Variants in DYNC2I1 observed in about 807,000 individuals in gnomAD.
DYNC2I1 encodes the protein dynein 2 intermediate chain 1.
DYNC2I1 carries 89 observed loss-of-function variants against 133.4 expected under a neutral mutation model. That is an observed-to-expected ratio of 0.67 (90% CI 0.56 to 0.80). DYNC2I1 has a LOEUF of 0.80. Ranked by LOEUF, DYNC2I1 falls within the 30% of genes least tolerant of loss-of-function variation. DYNC2I1 has a pLI of 0.00. For synonymous variants in DYNC2I1, 504 were observed against 484.3 expected (o/e 1.04, Z -0.54); for missense variants, 1,291 against 1,314.5 (o/e 0.98, Z 0.28).
intron 8 of DYNC2I1, among the ~76,000 whole-genome samples, chr7:158,892,995 G>A (rs939911676): frequency 4.7e-5 from 7 of 149,146 alleles, no homozygotes; most frequent in African/African-American, 9.9e-5. Flanking sequence ...ATACCCCCTC[G>A]CCCCCACACA....
chr7:158,864,643 G>A (rs1842240352), intron 1 of DYNC2I1, among the ~76,000 whole-genome samples: 1 of 151,824 alleles, frequency 6.6e-6, no homozygotes, highest in Admixed American at 6.6e-5. Flanking sequence ...CTGAGTAGCT[G>A]GGACTGCGGT....
chr7:158,908,807 G>A (rs1176894680), intron 11 of DYNC2I1, among the ~76,000 whole-genome samples: 1 of 152,136 alleles, frequency 6.6e-6, no homozygotes. Context: ...AATACCTGTC[G>A]GTGGCTCAAG....
intron 16 of DYNC2I1, 108 bp from the exon 17 acceptor site, chr7:158,923,463 C>G: frequency 6.8e-7 from 1 of 1,478,164 alleles, no homozygotes; most frequent in Non-Finnish European, 9.4e-7. Flanking sequence ...GCAGGTGACT[C>G]CCGTGCAAAG....
At chr7:158,872,551 C>T (rs562288077) in intron 3 of DYNC2I1, among the ~76,000 whole-genome samples, 45 of 152,140 alleles carry the variant, frequency 3.0e-4, no homozygotes, top group African/African-American at 1.1e-3. Flanking sequence ...AGGGGAATTG[C>T]TTGAACCAGG....
At chr7:158,931,866 A>G (rs777088681) in intron 21 of DYNC2I1, among the ~76,000 whole-genome samples, 1 of 152,196 alleles carries the variant, frequency 6.6e-6, no homozygotes, top group Non-Finnish European at 1.5e-5. Context: ...ACGTGATTGC[A>G]GGGGGCGCTC....
intron 21 of DYNC2I1, among the ~76,000 whole-genome samples, chr7:158,930,960 G>A (rs1850162924): frequency 6.6e-6 from 1 of 152,120 alleles, no homozygotes; most frequent in African/African-American, 2.4e-5. Flanking sequence ...GAGCCCCCAC[G>A]CCCGGCCTTG....
chr7:158,891,427 A>G lies in DYNC2I1; in HGVS notation c.1059+94A>G, dbSNP rs1280562993. On this transcript the variant is annotated intron_variant, in intron 8 of 24. Coordinates refer to ENST00000407559, the MANE Select transcript of DYNC2I1 (RefSeq NM_018051.5). Reference sequence around the variant, plus strand: ...TTTCCTGTCAGCATTTTGCTAGTGCAATTATTGTCCCTTTCAGACAGCAGA... The same window carrying G: ...TTTCCTGTCAGCATTTTGCTAGTGCGATTATTGTCCCTTTCAGACAGCAGA... 48 of 1,369,306 alleles carry G rather than the reference A, an allele frequency of 3.5e-5. No individual in the cohort carries two copies. The Admixed American group carries it at 5.6e-4, about 16-fold the overall frequency. The allele number at this position is 1,369,306 out of a possible 1,614,324, so 84.8% of individuals were successfully genotyped here.
At chr7:158,867,319 G>T (rs1057098362) in intron 1 of DYNC2I1, among the ~76,000 whole-genome samples, 2 of 152,078 alleles carry the variant, frequency 1.3e-5, no homozygotes, top group African/African-American at 2.4e-5. Flanking sequence ...GCTGTACCCT[G>T]TGTTGTTGGA....
At chr7:158,899,685 T>G (rs542246211) in intron 8 of DYNC2I1, among the ~76,000 whole-genome samples, 1 of 152,330 alleles carries the variant, frequency 6.6e-6, no homozygotes, top group East Asian at 1.9e-4. Context: ...ATACATCTCA[T>G]GAGATCTGAT....
At chr7:158,939,937 A>G (rs1236225738) in intron 23 of DYNC2I1, among the ~76,000 whole-genome samples, 1 of 152,250 alleles carries the variant, frequency 6.6e-6, no homozygotes, top group East Asian at 1.9e-4. Flanking sequence ...ATTCAGCAAG[A>G]GGATATAACA....
chr7:158,930,525 G>C lies in DYNC2I1; in HGVS notation c.2546+10G>C. On this transcript the variant is annotated intron_variant, in intron 21 of 24. Coordinates refer to ENST00000407559, the MANE Select transcript of DYNC2I1 (RefSeq NM_018051.5). ...TCCAGTTGGGTGACAGGTAAGATGT[G>C]AGGGAAAATGCTTCACTATCTCACA... 1 of 1,610,440 alleles carries C rather than the reference G, an allele frequency of 6.2e-7. No homozygotes were observed. The highest frequency in any genetic ancestry group is 8.5e-7 in the Non-Finnish European group (1 of 1,178,254).
intron 13 of DYNC2I1, 121 bp downstream of exon 13, chr7:158,913,217 C>A: frequency 1.3e-6 from 1 of 754,070 alleles, no homozygotes; most frequent in Non-Finnish European, 2.1e-6. Flanking sequence ...TGGTTGTTAG[C>A]ATGTGACAAT....
chr7:158,880,635 A>C (rs1271944595), intron 5 of DYNC2I1, among the ~76,000 whole-genome samples: 1 of 152,208 alleles, frequency 6.6e-6, no homozygotes, highest in Non-Finnish European at 1.5e-5. Context: ...TAAGTGAATA[A>C]TTAGCAAACG....
chr7:158,945,388 G>C lies in DYNC2I1; in HGVS notation c.3003-193G>C, dbSNP rs1039518382. Among the ~76,000 whole-genome samples the C allele has an allele frequency of 2.0e-5, 3 of 152,190 alleles. No homozygotes were observed. The highest frequency in any genetic ancestry group is 4.4e-5 in the Non-Finnish European group (3 of 68,036). ...ACTTACCTCTGCGAAGTTCCATCTG[G>C]CAGGCCTCTGACATGCGGAAATGCA... is the stretch of plus-strand genomic sequence containing the variant. On this transcript the variant is annotated intron_variant, in intron 24 of 24. Transcript: ENST00000407559. The surrounding 1 kb of genome is among the most constrained non-coding windows in gnomAD (Gnocchi z 4.1).
At position 158,922,507 on chromosome 7, in the gene DYNC2I1, G is replaced by A; in HGVS notation, c.2052G>A (p.Trp684Ter). The change falls in exon 16 of 25, where the codon TGG becomes TGA. Residue 684 changes from tryptophan to a stop codon, truncating the protein, a stop_gained. Transcript: ENST00000407559. LOFTEE classifies it high-confidence loss of function. ...SKYVLCVWDI[W>*]QPSGPQKVLI... ...ACGTCCTCTGTGTGTGGGATATTTG[G>A]CAGCCTTCAGGGCCACAGAAAGTTC... The A allele has an allele frequency of 6.2e-7, 1 of 1,613,914 alleles. No individual in the cohort carries two copies. The highest frequency in any genetic ancestry group is 8.5e-7 in the Non-Finnish European group (1 of 1,179,874).
chr7:158,904,812 C>T (rs1231235336), intron 10 of DYNC2I1: 1 of 211,458 alleles, frequency 4.7e-6, no homozygotes, highest in Non-Finnish European at 9.6e-6. Flanking sequence ...TGAGCTCAGG[C>T]CCCTGACCCA....
intron 20 of DYNC2I1, among the ~76,000 whole-genome samples, chr7:158,927,738 GAC>G (rs1052069256): frequency 8.5e-4 from 129 of 152,232 alleles, no homozygotes; most frequent in African/African-American, 3.1e-3. Flanking sequence ...TTTTAGTAGA[GAC>G]AGGGTTTCAC....
Position 158,934,332 on chromosome 7 carries a change from A to C in DYNC2I1, c.2647-86A>C, listed in dbSNP as rs375331606. ...GATTAACTTACTCTTTTCTTTATAA[A>C]GTTTAAATTGTTTGAGGAACAGTAG... On this transcript the variant is annotated intron_variant, in intron 22 of 24. Transcript: ENST00000407559. 1.2e-3 allele frequency: 1,776 copies of C among 1,537,634 alleles called. 18 individuals carry two copies. In the African/African-American group the frequency reaches 0.022, roughly 19 times the overall value.
At chr7:158,885,244 CCT>C (rs766669134) in intron 6 of DYNC2I1, among the ~76,000 whole-genome samples, 40 of 152,076 alleles carry the variant, frequency 2.6e-4, no homozygotes, top group Non-Finnish European at 4.6e-4. Context: ...TTCCTGTCTA[CCT>C]CTTAGTTGCA....
Sources: allele counts gnomAD v4.1 joint callset (sites outside exome capture counted in the v4.1 genomes callset), GRCh38; gene constraint gnomAD v4.1.1; non-coding constraint Gnocchi (gnomAD v3.1); transcripts MANE v1.5; gene names NCBI Gene and HGNC (gene_info 2026-07-23, HGNC 2026-07-21).